The following PDZRN4 variants were observed in gnomAD, a reference collection of about 807,000 sequenced individuals.
The protein encoded by PDZRN4 is PDZ domain-containing RING finger protein 4.
Under a neutral mutation model 99.0 loss-of-function variants are expected in PDZRN4, and 70 were observed. The observed-to-expected ratio is 0.71, with a 90% CI of 0.58 to 0.86. The LOEUF is 0.86. PDZRN4 is among the 40% of genes least tolerant of loss of function. The pLI is 0.00. For synonymous variants in PDZRN4, 551 were observed against 501.6 expected, an observed-to-expected ratio of 1.10 and a Z score of -1.32; for missense variants, 1,474 against 1,331.2, an observed-to-expected ratio of 1.11 and a Z score of -1.67.
intron 3 of PDZRN4, among the ~76,000 whole-genome samples, chr12:41,331,216 A>G (rs541268094): frequency 1.3e-5 from 2 of 152,270 alleles, no homozygotes; most frequent in East Asian, 1.9e-4. Context: ...GTATATTTGG[A>G]TAATATTTCA....
intron 3 of PDZRN4, among the ~76,000 whole-genome samples, chr12:41,281,840 C>T (rs1951387985): frequency 6.6e-6 from 1 of 151,380 alleles, no homozygotes; most frequent in South Asian, 2.1e-4. Flanking sequence ...TTTGTCACCA[C>T]CAGGCCTGCC....
At chr12:41,307,113 A>T (rs553976418) in intron 3 of PDZRN4, among the ~76,000 whole-genome samples, 2 of 152,106 alleles carry the variant, frequency 1.3e-5, no homozygotes, top group South Asian at 4.2e-4. Flanking sequence ...CTGCTTCAAA[A>T]TTTTTTTCAG....
chr12:41,523,357 G>C (rs1361983345), intron 5 of PDZRN4, among the ~76,000 whole-genome samples: 2 of 152,040 alleles, frequency 1.3e-5, no homozygotes, highest in African/African-American at 4.8e-5. Context: ...ATAGCTATAG[G>C]TTTGCTTGTG....
chr12:41,294,117 G>A (rs565471921), intron 3 of PDZRN4, among the ~76,000 whole-genome samples: 19 of 152,162 alleles, frequency 1.2e-4, no homozygotes, highest in Non-Finnish European at 2.5e-4. Context: ...ACAAGAGTAC[G>A]TGTTTCACAG....
At chr12:41,327,809 T>C (rs2120985723) in intron 3 of PDZRN4, among the ~76,000 whole-genome samples, 1 of 152,308 alleles carries the variant, frequency 6.6e-6, no homozygotes, top group East Asian at 1.9e-4. Context: ...TGTATGTGTG[T>C]GTCTGTGTGT....
At chr12:41,314,783 A>G (rs113836422) in intron 3 of PDZRN4, among the ~76,000 whole-genome samples, 1,557 of 151,098 alleles carry the variant, frequency 0.01, 35 homozygotes, top group African/African-American at 0.036. Context: ...GATATTCCCA[A>G]TATGGAGATA....
At chr12:41,201,456 C>A (rs543815271) in intron 3 of PDZRN4, among the ~76,000 whole-genome samples, 1 of 152,024 alleles carries the variant, frequency 6.6e-6, no homozygotes, top group Non-Finnish European at 1.5e-5. Flanking sequence ...GTTCTTTTCC[C>A]CCAACAAATG....
chr12:41,416,692 A>T (rs1416889973), intron 3 of PDZRN4, among the ~76,000 whole-genome samples: 1 of 152,120 alleles, frequency 6.6e-6, no homozygotes, highest in East Asian at 1.9e-4. Context: ...ACTTTTCTCG[A>T]CATTTATTTT....
intron 3 of PDZRN4, among the ~76,000 whole-genome samples, chr12:41,329,145 C>T (rs886508582): frequency 1.4e-4 from 21 of 152,046 alleles, no homozygotes; most frequent in East Asian, 3.9e-4. Context: ...TGACAGCATC[C>T]GCTGCTAGTT....
chr12:41,453,341 C>G (rs180932435), intron 3 of PDZRN4, among the ~76,000 whole-genome samples: 2 of 152,318 alleles, frequency 1.3e-5, no homozygotes, highest in South Asian at 2.1e-4. Flanking sequence ...ATTTTAATCA[C>G]TTATGAGACA....
chr12:41,351,561 C>A (rs534152164), intron 3 of PDZRN4, among the ~76,000 whole-genome samples: 48 of 151,940 alleles, frequency 3.2e-4, no homozygotes, highest in Non-Finnish European at 1.0e-4. Flanking sequence ...GCAAGCACAT[C>A]TTCACATGGC....
chr12:41,263,116 ATGTGTG>A (rs960546523), intron 3 of PDZRN4, among the ~76,000 whole-genome samples: 1 of 151,492 alleles, frequency 6.6e-6, no homozygotes, highest in African/African-American at 2.4e-5. Flanking sequence ...AGCAAAAATA[ATGTGTG>A]TGTGTGTGTA....
chr12:41,404,068 T>G (rs1952324128), intron 3 of PDZRN4, among the ~76,000 whole-genome samples: 1 of 152,194 alleles, frequency 6.6e-6, no homozygotes, highest in African/African-American at 2.4e-5. Flanking sequence ...CTACATAGTT[T>G]AAACCATCTC....
At chr12:41,463,707 A>C (rs187638908) in intron 3 of PDZRN4, among the ~76,000 whole-genome samples, 14 of 152,248 alleles carry the variant, frequency 9.2e-5, no homozygotes, top group African/African-American at 3.4e-4. Flanking sequence ...CCTGTGATAC[A>C]TTTAAGTCTA....
chr12:41,241,270 T>C (rs779339116), intron 3 of PDZRN4, among the ~76,000 whole-genome samples: 1 of 152,252 alleles, frequency 6.6e-6, no homozygotes, highest in Admixed American at 6.5e-5. Context: ...TTTTGGATTA[T>C]GAATACTCAA....
chr12:41,540,380 T>G (rs1938827659), intron 5 of PDZRN4, among the ~76,000 whole-genome samples: 1 of 152,192 alleles, frequency 6.6e-6, no homozygotes, highest in Admixed American at 6.5e-5. Context: ...TTATGTCATA[T>G]TCTCAATGAA....
chr12:41,209,681 C>A lies in PDZRN4; in HGVS notation c.843+15493C>A, dbSNP rs529223014. The stretch of plus-strand genomic sequence containing the variant: ...TCCCTACAAAGGACATGAACTCATC[C>A]TTTTTTATGGCTGCATAGTATTCCA... On this transcript the variant is annotated intron_variant, in intron 3 of 9. Coordinates refer to ENST00000402685, the MANE Select transcript of PDZRN4 (RefSeq NM_001164595.2). 2.4e-3 allele frequency among the ~76,000 whole-genome samples: 359 copies of A among 150,330 alleles called. 3 individuals carry two copies. The highest frequency in any genetic ancestry group is 7.3e-3 in the African/African-American group (296 of 40,720).
intron 3 of PDZRN4, among the ~76,000 whole-genome samples, chr12:41,364,109 G>A (rs1406093313): frequency 6.6e-6 from 1 of 152,050 alleles, no homozygotes. Flanking sequence ...CCTCTGACAA[G>A]GATAAGGCAT....
intron 3 of PDZRN4, among the ~76,000 whole-genome samples, chr12:41,438,265 A>G (rs547691294): frequency 1.3e-4 from 20 of 152,196 alleles, no homozygotes; most frequent in African/African-American, 4.3e-4. Flanking sequence ...TGTCAGTCAC[A>G]TAACAGGAGT....
Sources: gnomAD v4.1 joint callset for allele counts (sites outside exome capture counted in the v4.1 genomes callset) on GRCh38, gnomAD v4.1.1 for gene constraint, MANE v1.5 for transcripts, NCBI Gene and HGNC (gene_info 2026-07-23, HGNC 2026-07-21) for gene names.